The following IRX2 variants were observed in gnomAD, a reference collection of about 807,000 sequenced individuals.
IRX2 encodes iroquois homeobox 2.
Under a neutral mutation model 42.9 loss-of-function variants are expected in IRX2, and 26 were observed. The observed-to-expected ratio is 0.61, with a 90% CI of 0.44 to 0.84. The LOEUF is 0.84. Among genes scored for constraint, IRX2 ranks in the 40% least tolerant of loss-of-function variants. The pLI, the probability that IRX2 is intolerant of heterozygous loss-of-function variation, is 0.00. For missense variants in IRX2, 782 were observed against 713.9 expected, an observed-to-expected ratio of 1.10 and a Z score of -1.09; for synonymous variants, 424 against 353.9, an observed-to-expected ratio of 1.20 and a Z score of -2.22.
chr5:2,749,006 G>T lies in IRX2; in HGVS notation c.702C>A (p.Ala234=). 1 of 1,597,268 alleles carries T rather than the reference G, an allele frequency of 6.3e-7. No homozygotes were observed. Among genetic ancestry groups the T allele is most frequent in the Non-Finnish European group, 8.5e-7 (1 of 1,179,360 alleles). The stretch of plus-strand genomic sequence containing the variant: ...ACGGAAGCTTCTCCCCGTCCGACTC[G>T]GCCGAGCACGAGTGATCCGTGAGCG... ...VDSLTDHSCS[A]ESDGEKLPCR... The change falls in exon 3 of 4, where the codon GCC becomes GCA. Residue 234 remains alanine, a synonymous_variant. Transcript: ENST00000302057.
chr5:2,738,679 G>T, the IRX2 span, among the ~76,000 whole-genome samples: 1 of 152,016 alleles, frequency 6.6e-6, no homozygotes, highest in Non-Finnish European at 1.5e-5. Context: ...AGGTTACAAA[G>T]CACCCACCCC....
Position 2,751,363 on chromosome 5 carries a change from G to A in IRX2, c.51C>T (p.Leu17=). 1 of 1,429,612 alleles carries A rather than the reference G, an allele frequency of 7.0e-7. No individual in the cohort carries two copies. Among genetic ancestry groups the A allele is most frequent in the Non-Finnish European group, 9.2e-7 (1 of 1,091,412 alleles). 88.6% of individuals were successfully genotyped at this position (1,429,612 alleles called of 1,614,324 possible). ...YLYQAPGSLA[L]YSCPAYGASA... Reference sequence around the variant, plus strand: ...ACGCGCCGTAGGCCGGGCACGAGTAGAGCGCCAGCGAGCCGGGCGCCTGGT... The same window carrying A: ...ACGCGCCGTAGGCCGGGCACGAGTAAAGCGCCAGCGAGCCGGGCGCCTGGT... The change falls in exon 1 of 4, where the codon CTC becomes CTT. Residue 17 remains leucine (L), a synonymous_variant. Coordinates refer to ENST00000302057, the MANE Select transcript of IRX2 (RefSeq NM_033267.5). This position sits in a 1 kb window ranked among gnomAD's most constrained non-coding sequence, Gnocchi z 4.0.
chr5:2,747,868 T>C (rs923948766), intron 3 of IRX2, among the ~76,000 whole-genome samples: 1 of 152,206 alleles, frequency 6.6e-6, no homozygotes, highest in African/African-American at 2.4e-5. Context: ...ACGGTTTTCT[T>C]TCCGAACAAC....
chr5:2,735,777 C>A, the IRX2 span, among the ~76,000 whole-genome samples: 1 of 152,176 alleles, frequency 6.6e-6, no homozygotes, highest in East Asian at 1.9e-4. Flanking sequence ...GAATGCCAGG[C>A]CCCATGATCC....
At chr5:2,739,613 G>A in the IRX2 span, among the ~76,000 whole-genome samples, 8 of 152,306 alleles carry the variant, frequency 5.3e-5, no homozygotes, top group East Asian at 5.8e-4. Flanking sequence ...GGTCCCGGGG[G>A]CCCTGAACCC....
downstream of IRX2, among the ~76,000 whole-genome samples, chr5:2,743,473 G>A (rs549979165): frequency 1.3e-5 from 2 of 152,110 alleles, no homozygotes; most frequent in African/African-American, 4.8e-5. Flanking sequence ...CAGCTCTAAG[G>A]AAACCCTGGG....
In IRX2 at chr5:2,748,385, G is replaced by A. The variant is rs1325955019; in HGVS notation, c.1323C>T (p.Ser441=). 1.4e-6 allele frequency: 2 copies of A among 1,477,014 alleles called. No homozygotes were observed. The highest frequency in any genetic ancestry group is 1.3e-5 in the South Asian group (1 of 76,530). The allele number at this position is 1,477,014 out of a possible 1,614,324, so 91.5% of individuals were successfully genotyped here. The change falls in exon 3 of 4, where the codon TCC becomes TCT. Residue 441 remains serine, a synonymous_variant. Transcript: ENST00000302057. ...AGKAGAHPLE[S]HYRSPGGGYE... is the part of the protein sequence containing the mutation. ...AGCCGCCGCCCGGGGACCGGTAGTG[G>A]GACTCGAGCGGGTGCGCGCCCGCCT...
chr5:2,747,938 G>A (rs957113426), intron 3 of IRX2, among the ~76,000 whole-genome samples: 1 of 152,188 alleles, frequency 6.6e-6, no homozygotes, highest in Non-Finnish European at 1.5e-5. Flanking sequence ...AAACGCCTCT[G>A]AGAGTAACTG....
At chr5:2,750,989 C>G (rs1258717371) in intron 1 of IRX2, among the ~76,000 whole-genome samples, 176 bp downstream of exon 1, 2 of 151,780 alleles carry the variant, frequency 1.3e-5, no homozygotes, top group African/African-American at 4.8e-5. Flanking sequence ...GCGCTGCCCT[C>G]CCCACCCGGG....
At chr5:2,749,994 C>T (rs1428161301) in intron 1 of IRX2, among the ~76,000 whole-genome samples, 1 of 152,202 alleles carries the variant, frequency 6.6e-6, no homozygotes, top group Non-Finnish European at 1.5e-5. Context: ...GTTTTATTCT[C>T]GAATTTCTGA....
chr5:2,741,403 C>T (rs939352713), downstream of IRX2, among the ~76,000 whole-genome samples: 15 of 152,032 alleles, frequency 9.9e-5, no homozygotes, highest in African/African-American at 3.6e-4. Flanking sequence ...AAAAAAAAGC[C>T]CACTGTTAGA....
At chr5:2,739,098 G>T in the IRX2 span, among the ~76,000 whole-genome samples, 118 of 152,316 alleles carry the variant, frequency 7.7e-4, no homozygotes, top group African/African-American at 2.7e-3. Flanking sequence ...CGAGAGCTTC[G>T]AGGGGACTCA....
Position 2,748,582 on chromosome 5 carries a change from G to T in IRX2, c.1126C>A (p.Pro376Thr). The T allele has an allele frequency of 6.4e-7, 1 of 1,559,110 alleles. No individual in the cohort carries two copies. The highest frequency in any genetic ancestry group is 8.7e-7 in the Non-Finnish European group (1 of 1,155,688). Residue 376 changes from proline to threonine, a missense_variant, in exon 3 of 4, where the codon CCG (proline) becomes ACG (threonine). Transcript: ENST00000302057. Reference protein sequence around the residue: ...PPGGSPYPASPLLGRPLYYTS... With the variant: ...PPGGSPYPASTLLGRPLYYTS... ...TAGTAGAGGGGGCGGCCCAGCAGCGGCGAGGCAGGGTAGGGCGAGCCTCCT... is the reference window on the plus strand; with the variant it reads ...TAGTAGAGGGGGCGGCCCAGCAGCGTCGAGGCAGGGTAGGGCGAGCCTCCT...
rs34380307 is a variant in IRX2, at chr5:2,747,319, A to ATT, written c.*243_*244dup. ...CACACACACACACATATATATATAT[A>ATT]TTTTTTTTTTCCTTCCCTAGGTAAA... On this transcript the variant is annotated 3_prime_UTR_variant, in exon 4 of 4. Coordinates refer to ENST00000302057, the MANE Select transcript of IRX2 (RefSeq NM_033267.5). 1 of 296,864 alleles carries ATT rather than the reference A, an allele frequency of 3.4e-6. No homozygotes were observed. The highest frequency in any genetic ancestry group is 6.5e-6 in the Non-Finnish European group (1 of 154,990). 18.4% of individuals were successfully genotyped at this position (296,864 alleles called of 1,614,324 possible). A position where few individuals can be genotyped will look rare whatever the true frequency, so the allele number is the denominator to read the frequency against.
In IRX2 at chr5:2,748,739, G is replaced by T; in HGVS notation, c.969C>A (p.Pro323=). 7.3e-7 allele frequency: 1 copy of T among 1,367,172 alleles called. No homozygotes were observed. The highest frequency in any genetic ancestry group is 1.5e-5 in the African/African-American group (1 of 65,328). 84.7% of individuals were successfully genotyped at this position (1,367,172 alleles called of 1,614,324 possible). Residue 323 remains proline, a synonymous_variant, in exon 3 of 4, where the codon CCC becomes CCA. Transcript: ENST00000302057. ...GSRTSPGAPP[P]ASKPKLWSLA... ...GCGACCACAGCTTGGGCTTGCTGGC[G>T]GGGGGCGGCGCGCCCGGAGACGTCC...
At chr5:2,742,842 T>C (rs766280324), downstream of IRX2, among the ~76,000 whole-genome samples, 1 of 152,206 alleles carries the variant, frequency 6.6e-6, no homozygotes. Flanking sequence ...AATTAGGCTG[T>C]AACAGTGGTA....
Position 2,751,326 on chromosome 5 carries a change from C to T in IRX2, c.88G>A (p.Ala30Thr). Reference protein sequence around the residue: ...CPAYGASALAAPRSEELARSA... With the variant: ...CPAYGASALATPRSEELARSA... The stretch of plus-strand genomic sequence containing the variant: ...CGCGCCAGCTCCTCGCTGCGCGGAG[C>T]CGCCAAAGCCGACGCGCCGTAGGCC... The change falls in exon 1 of 4, where the codon GCT becomes ACT. Residue 30 changes from alanine to threonine, a missense_variant. By Grantham distance (58) the Ala-to-Thr change is moderately conservative. Coordinates refer to ENST00000302057, the MANE Select transcript of IRX2 (RefSeq NM_033267.5). This position sits in a 1 kb window ranked among gnomAD's most constrained non-coding sequence, Gnocchi z 4.0. 11 of 1,437,750 alleles carry T rather than the reference C, an allele frequency of 7.7e-6. No individual in the cohort carries two copies. Among genetic ancestry groups the T allele is most frequent in the South Asian group, 5.3e-5 (4 of 75,622 alleles). 89.1% of individuals were successfully genotyped at this position (1,437,750 alleles called of 1,614,324 possible). A position where few individuals can be genotyped will look rare whatever the true frequency, so the allele number is the denominator to read the frequency against.
chr5:2,744,931 A>G (rs141224211), downstream of IRX2, among the ~76,000 whole-genome samples: 538 of 152,322 alleles, frequency 3.5e-3, 2 homozygotes, highest in African/African-American at 0.012. Flanking sequence ...CTTGGCCTCA[A>G]GTATCTAAGA....
chr5:2,749,410 C>T lies in IRX2; in HGVS notation c.627G>A (p.Glu209=). The change falls in exon 2 of 4, where the codon GAG becomes GAA. Residue 209 remains glutamate, a synonymous_variant. Transcript: ENST00000302057. ...SKDESPDKAQ[E]GTETSAEDEG... ...CGTCCTCTGCCGAGGTCTCCGTGCCCTCCTGCGCCTTGTCGGGACTCTCGT... is the reference window on the plus strand; with the variant it reads ...CGTCCTCTGCCGAGGTCTCCGTGCCTTCCTGCGCCTTGTCGGGACTCTCGT... 2 of 1,613,946 alleles carry T rather than the reference C, an allele frequency of 1.2e-6. No individual in the cohort carries two copies. The highest frequency in any genetic ancestry group is 1.1e-5 in the South Asian group (1 of 91,074).
Sources: gnomAD v4.1 joint callset for allele counts (sites outside exome capture counted in the v4.1 genomes callset) on GRCh38, gnomAD v4.1.1 for gene constraint, Gnocchi (gnomAD v3.1) non-coding constraint, MANE v1.5 for transcripts, NCBI Gene and HGNC (gene_info 2026-07-23, HGNC 2026-07-21) for gene names.